TAOK1: variants seen among roughly 807,000 people sequenced by gnomAD.
TAOK1 encodes the protein serine/threonine-protein kinase TAO1.
TAOK1 carries 21 observed loss-of-function variants against 138.3 expected under a neutral mutation model. The observed-to-expected ratio is 0.15, with a 90% CI of 0.11 to 0.22. The LOEUF is 0.22. Among genes scored for constraint, TAOK1 ranks in the 10% least tolerant of loss-of-function variants. TAOK1 has a pLI of 1.00. For missense variants in TAOK1, 651 were observed against 1,227.7 expected (o/e 0.53, Z 7.02); for synonymous variants, 361 against 398.4 (o/e 0.91, Z 1.12).
Position 29,489,662 on chromosome 17 carries a change from A to G in TAOK1, c.656-2A>G. ...AACAGGAATGTTTCCTTTCTTTTAC[A>G]GCGGAAAGGAAGCCTCCTTTATTTA... On this transcript the variant is annotated splice_acceptor_variant, in intron 8 of 19. Coordinates refer to ENST00000261716, the MANE Select transcript of TAOK1 (RefSeq NM_020791.4). LOFTEE classifies it high-confidence loss of function. The G allele has an allele frequency of 6.2e-7, 1 of 1,601,518 alleles. No homozygotes were observed. The highest frequency in any genetic ancestry group is 1.7e-5 in the Admixed American group (1 of 57,666).
chr17:29,412,470 C>T (rs562526752), intron 1 of TAOK1, among the ~76,000 whole-genome samples: 82 of 81,074 alleles, frequency 1.0e-3, no homozygotes, highest in Non-Finnish European at 1.5e-3. Context: ...GAAGTTGTCC[C>T]CAACTGCTTC....
chr17:29,527,376 G>A (rs1437294405), intron 17 of TAOK1, among the ~76,000 whole-genome samples: 1 of 152,114 alleles, frequency 6.6e-6, no homozygotes, highest in African/African-American at 2.4e-5. Context: ...GAGGTAGGAG[G>A]ATTGCTTGAG....
At chr17:29,510,749 A>G in intron 14 of TAOK1, 115 bp from the exon 15 acceptor site, 2 of 741,654 alleles carry the variant, frequency 2.7e-6, no homozygotes, top group Non-Finnish European at 3.9e-6. Context: ...TTATTTTGGT[A>G]ATGTTTCTAA....
At chr17:29,421,628 C>A (rs1423174965) in intron 1 of TAOK1, among the ~76,000 whole-genome samples, 1 of 151,914 alleles carries the variant, frequency 6.6e-6, no homozygotes. Flanking sequence ...TTGTTTGTCT[C>A]GCTGTGTTCA....
intron 1 of TAOK1, among the ~76,000 whole-genome samples, chr17:29,416,968 T>C (rs913688714): frequency 1.2e-4 from 18 of 152,178 alleles, no homozygotes; most frequent in African/African-American, 4.1e-4. Context: ...AAAGGTCTGG[T>C]AAATATTGAA....
chr17:29,417,630 C>T (rs1476021436), intron 1 of TAOK1, among the ~76,000 whole-genome samples: 2 of 152,128 alleles, frequency 1.3e-5, no homozygotes, highest in African/African-American at 4.8e-5. Context: ...GGCCCCTTCC[C>T]TATAGTTTCT....
At chr17:29,396,458 G>A (rs1163505450) in intron 1 of TAOK1, among the ~76,000 whole-genome samples, 1 of 152,126 alleles carries the variant, frequency 6.6e-6, no homozygotes, top group Non-Finnish European at 1.5e-5. Flanking sequence ...TTATGCTGTA[G>A]GTTGTTATTT....
Position 29,390,826 on chromosome 17 carries a change from C to G in TAOK1, c.-293C>G, listed in dbSNP as rs1419418082. On this transcript the variant is annotated 5_prime_UTR_variant, in exon 1 of 20. Coordinates refer to ENST00000261716, the MANE Select transcript of TAOK1 (RefSeq NM_020791.4). The stretch of plus-strand genomic sequence containing the variant: ...CCTCGACCCCGGTCGTCCCCTCGCC[C>G]CCCCCCCCACCCCCCGCCGCCGCCG... 1.3e-5 allele frequency: 2 copies of G among 150,886 alleles called. No homozygotes were observed. Among genetic ancestry groups the G allele is most frequent in the African/African-American group, 4.8e-5 (2 of 41,318 alleles). The allele number at this position is 150,886 out of a possible 1,614,324, so 9.3% of individuals were successfully genotyped here. A position where few individuals can be genotyped will look rare whatever the true frequency, so the allele number is the denominator to read the frequency against.
intron 1 of TAOK1, among the ~76,000 whole-genome samples, chr17:29,435,275 A>G (rs11868062): frequency 0.051 from 7,707 of 152,222 alleles, 664 homozygotes; most frequent in African/African-American, 0.18. Context: ...AAAACAACCA[A>G]TGAGTTCAGA....
chr17:29,431,219 G>A (rs1010381069), intron 1 of TAOK1, among the ~76,000 whole-genome samples: 1 of 152,158 alleles, frequency 6.6e-6, no homozygotes, highest in Non-Finnish European at 1.5e-5. Context: ...TTAGGTGAGA[G>A]TGCTTGCGCT....
rs398070899 is a variant in TAOK1 at position 29,480,871 on chromosome 17, C to CA, written c.563+403dup. ...GGCGACAGAGTGAGACCCTGTCTCT[C>CA]AAAAAAAAAAAAAGATTAAAATTTT... On this transcript the variant is annotated intron_variant, in intron 7 of 19. Coordinates refer to ENST00000261716, the MANE Select transcript of TAOK1 (RefSeq NM_020791.4). Among the ~76,000 whole-genome samples, 54 of 96,800 alleles carry CA rather than the reference C, an allele frequency of 5.6e-4. 1 individual carries two copies. The highest frequency in any genetic ancestry group is 1.6e-3 in the South Asian group (4 of 2,440). The allele number at this position is 96,800 out of a possible 152,430, so 63.5% of individuals were successfully genotyped here.
chr17:29,489,428 G>A (rs2031249263), intron 8 of TAOK1, among the ~76,000 whole-genome samples: 1 of 152,068 alleles, frequency 6.6e-6, no homozygotes, highest in African/African-American at 2.4e-5. Context: ...AGCACAGGAG[G>A]TCAAGGCTGT....
At chr17:29,434,769 A>G (rs962012996) in intron 1 of TAOK1, among the ~76,000 whole-genome samples, 2 of 152,168 alleles carry the variant, frequency 1.3e-5, no homozygotes, top group African/African-American at 2.4e-5. Context: ...CTCACCTGCA[A>G]TGTGCCTTTT....
intron 3 of TAOK1, among the ~76,000 whole-genome samples, chr17:29,471,806 T>C (rs1333024851): frequency 2.0e-5 from 3 of 152,242 alleles, no homozygotes; most frequent in Non-Finnish European, 4.4e-5. Context: ...TGCAATGATG[T>C]TTGACAGCAT....
Position 29,451,333 on chromosome 17 carries a change from C to A in TAOK1, c.-94-122C>A, listed in dbSNP as rs2030229308. ...GTTTAGGAGCTACTGCAGTAGTACC[C>A]ACACTGCCTTTTCAGTGAAATTCTA... On this transcript the variant is annotated intron_variant, in intron 1 of 19. Coordinates refer to ENST00000261716, the MANE Select transcript of TAOK1 (RefSeq NM_020791.4). The A allele has an allele frequency of 1.6e-5, 6 of 378,932 alleles. No individual in the cohort carries two copies. The South Asian group carries it at 3.6e-4, about 23-fold the overall frequency. The allele number at this position is 378,932 out of a possible 1,614,324, so 23.5% of individuals were successfully genotyped here. A position where few individuals can be genotyped will look rare whatever the true frequency, so the allele number is the denominator to read the frequency against.
rs1392132589 is a variant in TAOK1 at position 29,536,991 on chromosome 17, C to A, written c.2544+2691C>A. On this transcript the variant is annotated intron_variant, in intron 19 of 19. Coordinates refer to ENST00000261716, the MANE Select transcript of TAOK1 (RefSeq NM_020791.4). ...CTGGGATTACAGGCGTGAGCCACAGCGCCCGGCCATCTCATTCCATCTTTT... is the reference window on the plus strand; with the variant it reads ...CTGGGATTACAGGCGTGAGCCACAGAGCCCGGCCATCTCATTCCATCTTTT... 2.6e-5 allele frequency among the ~76,000 whole-genome samples: 4 copies of A among 152,152 alleles called. No homozygotes were observed. The East Asian group carries it at 7.7e-4, about 29-fold the overall frequency.
Position 29,542,623 on chromosome 17 carries a change from A to T in TAOK1, c.2607A>T (p.Glu869Asp). ...CAGAACGAATACGAAGCCTGTTGGA[A>T]CGTCAAGCCAGAGAGATTGAAGCTT... is the stretch of plus-strand genomic sequence containing the variant. ...ERTERIRSLL[E>D]RQAREIEAFD... The change falls in exon 20 of 20, where the codon GAA (glutamate) becomes GAT (aspartate). Residue 869 changes from glutamate to aspartate, a missense_variant. By Grantham distance (45) the Glu-to-Asp change is conservative. Coordinates refer to ENST00000261716, the MANE Select transcript of TAOK1 (RefSeq NM_020791.4). 6.2e-7 allele frequency: 1 copy of T among 1,614,246 alleles called. No individual in the cohort carries two copies. The highest frequency in any genetic ancestry group is 8.5e-7 in the Non-Finnish European group (1 of 1,180,036).
chr17:29,398,728 C>A (rs1271209570), intron 1 of TAOK1, among the ~76,000 whole-genome samples: 2 of 152,094 alleles, frequency 1.3e-5, no homozygotes, highest in East Asian at 3.9e-4. Context: ...GACAGGGTTT[C>A]ACCATGTTGG....
chr17:29,457,241 A>G (rs954615755), intron 2 of TAOK1, among the ~76,000 whole-genome samples: 1 of 147,274 alleles, frequency 6.8e-6, no homozygotes, highest in Non-Finnish European at 1.5e-5. Context: ...ATGGGAATAT[A>G]CAGGTGCATG....
Sources: allele counts gnomAD v4.1 joint callset (sites outside exome capture counted in the v4.1 genomes callset), GRCh38; gene constraint gnomAD v4.1.1; transcripts MANE v1.5; gene names NCBI Gene and HGNC (gene_info 2026-07-23, HGNC 2026-07-21).